Variants in SNF8 observed in about 807,000 individuals in gnomAD.
The protein encoded by SNF8 is vacuolar-sorting protein SNF8.
Under a neutral mutation model 36.8 loss-of-function variants are expected in SNF8, and 19 were observed. The ratio of observed to expected loss-of-function variants is 0.52; its 90% confidence interval spans 0.36 to 0.76. The LOEUF is 0.76. SNF8 is among the 30% of genes least tolerant of loss of function. SNF8 has a pLI of 0.00. For missense variants in SNF8, 268 were observed against 322.9 expected (o/e 0.83, Z 1.30); for synonymous variants, 127 against 127.4 (o/e 1.00, Z 0.02).
intron 6 of SNF8, chr17:48,932,881 ATAAAG>A (rs1055492838): frequency 2.1e-5 from 5 of 242,940 alleles, no homozygotes; most frequent in Non-Finnish European, 3.9e-5. Flanking sequence ...TGAAGAATCC[ATAAAG>A]TAGTTTCAAA....
intron 4 of SNF8, chr17:48,936,778 G>T: frequency 1.8e-6 from 1 of 557,108 alleles, no homozygotes; most frequent in Non-Finnish European, 3.2e-6. Flanking sequence ...ACTATTTTCT[G>T]TACTGACTAG....
At chr17:48,944,100 G>C in intron 1 of SNF8, 125 bp from the exon 2 acceptor site, 6 of 822,550 alleles carry the variant, frequency 7.3e-6, no homozygotes, top group South Asian at 5.5e-5. Flanking sequence ...TCAGGAGATC[G>C]AGCCATCCTG....
chr17:48,942,133 G>A (rs983834388), intron 2 of SNF8, among the ~76,000 whole-genome samples: 4 of 151,942 alleles, frequency 2.6e-5, no homozygotes, highest in African/African-American at 9.7e-5. Flanking sequence ...AAAGACTTGG[G>A]GATTTTCTGA....
chr17:48,941,233 T>A (rs374809350), intron 2 of SNF8, among the ~76,000 whole-genome samples, 171 bp from the exon 3 acceptor site: 2 of 152,068 alleles, frequency 1.3e-5, no homozygotes, highest in African/African-American at 4.8e-5. Context: ...CCTTCACAGT[T>A]CTGTTGTCAG....
chr17:48,932,364 T>C (rs2040871725), intron 6 of SNF8: 1 of 152,198 alleles, frequency 6.6e-6, no homozygotes, highest in Non-Finnish European at 1.5e-5. Flanking sequence ...TAACCTCCAT[T>C]ATTTAAATAT....
At chr17:48,935,983 A>C in intron 5 of SNF8, 187 bp downstream of exon 5, 48 of 497,804 alleles carry the variant, frequency 9.6e-5, no homozygotes, top group Non-Finnish European at 1.1e-4. Flanking sequence ...ACTGTACTCC[A>C]GCCCGGGCAA....
chr17:48,936,573 A>G, intron 4 of SNF8: 1 of 326,342 alleles, frequency 3.1e-6, no homozygotes. Context: ...TGTAACTTCA[A>G]TCCACACCAT....
intron 5 of SNF8, among the ~76,000 whole-genome samples, chr17:48,934,162 A>C (rs2040901024): frequency 6.6e-6 from 1 of 152,182 alleles, no homozygotes; most frequent in Non-Finnish European, 1.5e-5. Context: ...AAAAAATGTT[A>C]TCACCCAAAC....
At chr17:48,937,576 G>C (rs567850004) in intron 3 of SNF8, among the ~76,000 whole-genome samples, 13 of 150,626 alleles carry the variant, frequency 8.6e-5, no homozygotes, top group African/African-American at 3.2e-4. Context: ...GTTGCAGTGA[G>C]CCAAGATCGC....
rs2040828051 is a variant in SNF8 at position 48,929,656 on chromosome 17, G to A, written c.*819C>T. 1 of 152,212 alleles carries A rather than the reference G, an allele frequency of 6.6e-6. No homozygotes were observed. The highest frequency in any genetic ancestry group is 2.4e-5 in the African/African-American group (1 of 41,448). The allele number at this position is 152,212 out of a possible 1,614,324, so 9.4% of individuals were successfully genotyped here. A position where few individuals can be genotyped will look rare whatever the true frequency, so the allele number is the denominator to read the frequency against. On this transcript the variant is annotated 3_prime_UTR_variant, in exon 8 of 8. Coordinates refer to ENST00000502492, the MANE Select transcript of SNF8 (RefSeq NM_007241.4). ...ACTATGCAGTGATACATGAAGGCAT[G>A]GGCTCGGGTTAATAGGCCTAGGCAC...
intron 1 of SNF8, 154 bp from the exon 2 acceptor site, chr17:48,944,129 C>A (rs1161109777): frequency 1.9e-5 from 12 of 622,230 alleles, no homozygotes; most frequent in Non-Finnish European, 3.4e-5. Flanking sequence ...AGTGAAACCC[C>A]GTCTCTACTA....
At chr17:48,938,529 G>T (rs1033091322) in intron 3 of SNF8, among the ~76,000 whole-genome samples, 11 of 149,452 alleles carry the variant, frequency 7.4e-5, no homozygotes, top group African/African-American at 2.5e-4. Context: ...CAAAAATGTA[G>T]GTTATAGAGC....
Position 48,936,240 on chromosome 17 carries a change from G to A in SNF8, c.352C>T (p.Leu118=), listed in dbSNP as rs1489681400. 3 of 1,613,098 alleles carry A rather than the reference G, an allele frequency of 1.9e-6. No individual in the cohort carries two copies. Among genetic ancestry groups the A allele is most frequent in the Non-Finnish European group, 2.5e-6 (3 of 1,179,168 alleles). Residue 118 remains leucine, a splice_region_variant and synonymous_variant, in exon 5 of 8, where the codon CTG becomes TTG. Transcript: ENST00000502492. ...TGATGTAGTTCCTCCAAAGTTATCA[G>A]ACCTGTTTGGAGACAGGGAACAGAA... is the stretch of plus-strand genomic sequence containing the variant. ...CLALKHRNGG[L]ITLEELHQQV...
intron 5 of SNF8, chr17:48,935,729 T>A (rs943144527): frequency 6.5e-6 from 1 of 153,362 alleles, no homozygotes; most frequent in African/African-American, 2.4e-5. Context: ...AAATAATACA[T>A]GAAAAAATGC....
In SNF8 at chr17:48,931,663, C is replaced by G; in HGVS notation, c.619G>C (p.Glu207Gln). 6.2e-7 allele frequency: 1 copy of G among 1,613,450 alleles called. No individual in the cohort carries two copies. The highest frequency in any genetic ancestry group is 8.5e-7 in the Non-Finnish European group (1 of 1,179,728). ...EIKASLKWET[E>Q]RARQVLEHLL... ...CATACCAGCACTTGCCGCGCTCGCT[C>G]GGTCTCCCATTTAAGACTGGCTTTG... Residue 207 changes from glutamate to glutamine, a missense_variant, in exon 7 of 8, where the codon GAG (glutamate) becomes CAG (glutamine). Physicochemically the swap from Glu to Gln is conservative, Grantham distance 29. Coordinates refer to ENST00000502492, the MANE Select transcript of SNF8 (RefSeq NM_007241.4).
At position 48,933,119 on chromosome 17, in the gene SNF8, A is replaced by G. The variant is rs562787756; in HGVS notation, c.564+86T>C. The G allele has an allele frequency of 3.3e-5, 48 of 1,472,316 alleles. No homozygotes were observed. The South Asian group carries it at 5.6e-4, about 17-fold the overall frequency. 91.2% of individuals were successfully genotyped at this position (1,472,316 alleles called of 1,614,324 possible). On this transcript the variant is annotated intron_variant, in intron 6 of 7. Coordinates refer to ENST00000502492, the MANE Select transcript of SNF8 (RefSeq NM_007241.4). ...GATAGTCTCAGCAAAAGACCTGCAT[A>G]ATGGGGAGCACGAGCTGAGAACTGC...
Position 48,943,979 on chromosome 17 carries a change from T to A in SNF8, c.55-4A>T. 6.2e-7 allele frequency: 1 copy of A among 1,613,778 alleles called. No homozygotes were observed. The highest frequency in any genetic ancestry group is 8.5e-7 in the Non-Finnish European group (1 of 1,179,822). ...TCCCTCGCTCCTTATACTTGGCCTGTCAGACAAAGAGACCAGCATAAGTTA... is the reference window on the plus strand; with the variant it reads ...TCCCTCGCTCCTTATACTTGGCCTGACAGACAAAGAGACCAGCATAAGTTA... On this transcript the variant is annotated splice_region_variant and splice_polypyrimidine_tract_variant and intron_variant, in intron 1 of 7. Coordinates refer to ENST00000502492, the MANE Select transcript of SNF8 (RefSeq NM_007241.4).
chr17:48,942,846 CCT>C (rs2041049475), intron 2 of SNF8, among the ~76,000 whole-genome samples: 2 of 97,986 alleles, frequency 2.0e-5, no homozygotes, highest in South Asian at 3.9e-4. Context: ...CCGCACCCGG[CCT>C]TTTTTTTTTT....
chr17:48,930,560 T>TC lies in SNF8; in HGVS notation c.691dup (p.Glu231GlyfsTer12). The stretch of plus-strand genomic sequence containing the variant: ...GAGAGCTGGCAGCCAGTAGTGGGCC[T>TC]CCCCTGGGGCCTGTAAGTCCAGCCA... On this transcript the variant is annotated frameshift_variant, in exon 8 of 8. Transcript: ENST00000502492. LOFTEE classifies it high-confidence loss of function. 6.2e-7 allele frequency: 1 copy of TC among 1,613,628 alleles called. No homozygotes were observed. The highest frequency in any genetic ancestry group is 8.5e-7 in the Non-Finnish European group (1 of 1,179,942).
Sources: allele counts gnomAD v4.1 joint callset (sites outside exome capture counted in the v4.1 genomes callset), GRCh38; gene constraint gnomAD v4.1.1; transcripts MANE v1.5; gene names NCBI Gene and HGNC (gene_info 2026-07-23, HGNC 2026-07-21).